Variants in TSHZ3 observed in about 807,000 individuals in gnomAD.
The protein encoded by TSHZ3 is teashirt homolog 3.
TSHZ3 carries 10 observed loss-of-function variants against 64.5 expected under a neutral mutation model. The ratio of observed to expected loss-of-function variants is 0.16; its 90% CI spans 0.10 to 0.26. TSHZ3 has a LOEUF of 0.26. Among genes scored for constraint, TSHZ3 ranks in the 10% least tolerant of loss-of-function variants. TSHZ3 has a pLI of 1.00. For synonymous variants in TSHZ3, 608 were observed against 593.1 expected (o/e 1.03, Z -0.36); for missense variants, 1,242 against 1,421.7 (o/e 0.87, Z 2.03).
At chr19:31,274,165 T>C (rs1409799509), downstream of TSHZ3, among the ~76,000 whole-genome samples, 2 of 152,118 alleles carry the variant, frequency 1.3e-5, no homozygotes, top group Non-Finnish European at 2.9e-5. Context: ...GTGTTTTATG[T>C]ATTACATGGA....
chr19:31,305,009 C>T (rs1976816838), intron 1 of TSHZ3, among the ~76,000 whole-genome samples: 1 of 152,130 alleles, frequency 6.6e-6, no homozygotes, highest in African/African-American at 2.4e-5. Flanking sequence ...CTTAAGTTAG[C>T]CACATTAAAA....
intron 1 of TSHZ3, among the ~76,000 whole-genome samples, chr19:31,251,879 C>T (rs945360553): frequency 6.6e-6 from 1 of 152,174 alleles, no homozygotes; most frequent in African/African-American, 2.4e-5. Context: ...GCGCTGATGC[C>T]GGAGCAAACC....
intron 1 of TSHZ3, among the ~76,000 whole-genome samples, chr19:31,269,344 A>G (rs183983347): frequency 6.6e-6 from 1 of 152,018 alleles, no homozygotes. Context: ...GCTTTTGCCG[A>G]CTCGGTTTCA....
intron 3 of TSHZ3, among the ~76,000 whole-genome samples, chr19:31,234,138 CAAATT>C (rs1975577056): frequency 6.6e-6 from 1 of 152,108 alleles, no homozygotes; most frequent in Admixed American, 6.5e-5. Flanking sequence ...CAGCTTTCAT[CAAATT>C]AACTCCCTTC....
chr19:31,348,808 G>A (rs2021600382), intron 1 of TSHZ3: 1 of 221,104 alleles, frequency 4.5e-6, no homozygotes, highest in South Asian at 1.3e-4. Context: ...TCGGCCGCTC[G>A]GAGGACGCGG....
intron 1 of TSHZ3, among the ~76,000 whole-genome samples, chr19:31,262,182 G>A (rs1221382079): frequency 6.6e-6 from 1 of 152,146 alleles, no homozygotes; most frequent in Non-Finnish European, 1.5e-5. Flanking sequence ...TAGATTAAGA[G>A]GCTACTTTTA....
intron 5 of TSHZ3, among the ~76,000 whole-genome samples, chr19:31,169,630 T>C (rs746328485): frequency 6.6e-6 from 1 of 152,116 alleles, no homozygotes; most frequent in African/African-American, 2.4e-5. Flanking sequence ...TCTTATTATG[T>C]GTGTTCTACC....
At chr19:31,249,424 A>T (rs1004298918) in intron 1 of TSHZ3, among the ~76,000 whole-genome samples, 2 of 152,186 alleles carry the variant, frequency 1.3e-5, no homozygotes, top group Non-Finnish European at 2.9e-5. Context: ...GCAGGCCAGC[A>T]GGTTCCCTGT....
chr19:31,197,204 T>G (rs950260955), intron 5 of TSHZ3, among the ~76,000 whole-genome samples: 4 of 151,816 alleles, frequency 2.6e-5, no homozygotes, highest in Non-Finnish European at 5.9e-5. Flanking sequence ...CACTTCACAA[T>G]AACACATGGT....
chr19:31,347,373 C>T (rs907858197), intron 1 of TSHZ3, among the ~76,000 whole-genome samples: 1 of 151,936 alleles, frequency 6.6e-6, no homozygotes, highest in Non-Finnish European at 1.5e-5. Context: ...AGAGAGAGTT[C>T]TGAACCAAAT....
At chr19:31,181,522 T>C (rs1363671516) in intron 5 of TSHZ3, among the ~76,000 whole-genome samples, 1 of 152,092 alleles carries the variant, frequency 6.6e-6, no homozygotes, top group Non-Finnish European at 1.5e-5. Context: ...ACCACCGTAG[T>C]GGCTTGGGGA....
chr19:31,167,386 C>T (rs1237613037), intron 5 of TSHZ3: 1 of 152,128 alleles, frequency 6.6e-6, no homozygotes, highest in South Asian at 2.1e-4. Context: ...CAATTCAAGC[C>T]CCCTCACTTT....
chr19:31,263,067 G>C (rs1049577716), intron 1 of TSHZ3, among the ~76,000 whole-genome samples: 1 of 152,126 alleles, frequency 6.6e-6, no homozygotes, highest in African/African-American at 2.4e-5. Flanking sequence ...GGACATCTTG[G>C]GTGAGCAGAA....
chr19:31,326,800 C>G (rs1008832823), intron 1 of TSHZ3, among the ~76,000 whole-genome samples: 8 of 152,202 alleles, frequency 5.3e-5, no homozygotes, highest in African/African-American at 1.9e-4. Flanking sequence ...TGCGAGTGCC[C>G]ATGTCTCAGT....
rs150576366 is a variant in TSHZ3, at chr19:31,335,349, C to T, written c.40+13831G>A. ...CTGAGGAACAGAGGAGCTACCCTCA[C>T]GGCCCACTTCCAAATGGCCAGGTCT... On this transcript the variant is annotated intron_variant, in intron 1 of 1. Transcript: ENST00000240587. 7.2e-5 allele frequency among the ~76,000 whole-genome samples: 11 copies of T among 152,324 alleles called. No individual in the cohort carries two copies. The East Asian group carries it at 1.7e-3, about 24-fold the overall frequency.
At chr19:31,230,147 G>A (rs576467656) in intron 3 of TSHZ3, among the ~76,000 whole-genome samples, 20 of 152,162 alleles carry the variant, frequency 1.3e-4, no homozygotes, top group South Asian at 4.1e-4. Flanking sequence ...CAAAATAAAC[G>A]TCTGAAAATA....
At chr19:31,178,977 T>C (rs978734829) in intron 5 of TSHZ3, among the ~76,000 whole-genome samples, 7 of 152,016 alleles carry the variant, frequency 4.6e-5, no homozygotes, top group African/African-American at 1.7e-4. Flanking sequence ...AATATAGTAG[T>C]TGAAGACAGA....
chr19:31,305,901 C>A (rs953864621), intron 1 of TSHZ3: 6 of 152,036 alleles, frequency 3.9e-5, no homozygotes, highest in Non-Finnish European at 8.8e-5. Context: ...AAAAGAATAT[C>A]TGTTTTTAAA....
At chr19:31,225,981 G>T (rs1435406851) in intron 4 of TSHZ3, among the ~76,000 whole-genome samples, 1 of 152,008 alleles carries the variant, frequency 6.6e-6, no homozygotes, top group African/African-American at 2.4e-5. Flanking sequence ...ACAAAAATGA[G>T]CAGGGTGTGT....
Sources: allele counts gnomAD v4.1 joint callset (sites outside exome capture counted in the v4.1 genomes callset), GRCh38; gene constraint gnomAD v4.1.1; transcripts MANE v1.5; gene names NCBI Gene and HGNC (gene_info 2026-07-23, HGNC 2026-07-21).